Variants in CCND2 observed in about 807,000 individuals in gnomAD.
CCND2 encodes the protein cyclin D2.
In CCND2, 6 loss-of-function variants were observed where a neutral mutation model predicts 30.2. The observed-to-expected ratio is 0.20, with a 90% confidence interval of 0.11 to 0.39. The LOEUF (loss-of-function observed/expected upper bound fraction) is 0.39, where lower values mean the gene tolerates loss of function less well. Among genes scored for constraint, CCND2 ranks in the 10% least tolerant of loss-of-function variants. The pLI, the probability that CCND2 is intolerant of heterozygous loss-of-function variation, is 1.00. For missense variants in CCND2, 235 were observed against 373.4 expected (o/e 0.63, Z 3.06); for synonymous variants, 150 against 153.1 (o/e 0.98, Z 0.15).
intron 3 of CCND2, among the ~76,000 whole-genome samples, chr12:4,283,113 AACTT>A (rs1863972695): frequency 6.6e-6 from 1 of 152,326 alleles, no homozygotes; most frequent in East Asian, 1.9e-4. Flanking sequence ...CGTGGTTTTA[AACTT>A]ACTTAGCTCT....
Position 4,276,145 on chromosome 12 carries a change from C to T in CCND2, c.336C>T (p.Leu112=), listed in dbSNP as rs759699380. 6.2e-7 allele frequency: 1 copy of T among 1,614,234 alleles called. No homozygotes were observed. The highest frequency in any genetic ancestry group is 2.2e-5 in the East Asian group (1 of 44,892). The part of the protein sequence containing the change: ...GAVCMFLASK[L]KETSPLTAEK... ...TCTGCATGTTCCTGGCCTCCAAACT[C>T]AAAGAGACCAGCCCGCTGACCGCGG... The change falls in exon 2 of 5, where the codon CTC becomes CTT. Residue 112 remains leucine, a synonymous_variant. Coordinates refer to ENST00000261254, the MANE Select transcript of CCND2 (RefSeq NM_001759.4). The surrounding 1 kb of genome is among the most constrained non-coding windows in gnomAD (Gnocchi z 4.8).
chr12:4,291,986 C>T (rs563877540), intron 4 of CCND2, among the ~76,000 whole-genome samples: 11 of 152,118 alleles, frequency 7.2e-5, no homozygotes, highest in South Asian at 6.2e-4. Context: ...TTAATGCGTA[C>T]GGAGTTTCAG....
At position 4,285,383 on chromosome 12, in the gene CCND2, C is replaced by A; in HGVS notation, c.572-3459C>A. On this transcript the variant is annotated intron_variant, in intron 3 of 4. Transcript: ENST00000261254. The surrounding 1 kb of genome is among the most constrained non-coding windows in gnomAD (Gnocchi z 4.1). Reference sequence around the variant, plus strand: ...GCGTGCCTTCTGCACCAGCATATTGCTTGTTGGCATTTTTGATCAAGAGAC... The same window carrying A: ...GCGTGCCTTCTGCACCAGCATATTGATTGTTGGCATTTTTGATCAAGAGAC... The A allele has an allele frequency of 1.0e-6, 1 of 985,348 alleles. No homozygotes were observed. The highest frequency in any genetic ancestry group is 1.2e-6 in the Non-Finnish European group (1 of 829,870). The allele number at this position is 985,348 out of a possible 1,614,324, so 61.0% of individuals were successfully genotyped here.
intron 2 of CCND2, 97 bp from the exon 3 acceptor site, chr12:4,278,663 G>T (rs144942100): frequency 2.5e-6 from 3 of 1,224,438 alleles, no homozygotes; most frequent in Non-Finnish European, 3.5e-6. Flanking sequence ...CTAATGAGCG[G>T]CCTTAAAACT....
In CCND2 at chr12:4,300,858, T is replaced by C. The variant is rs556959568; in HGVS notation, c.*849T>C. ...ATCCAGAATGGAGTCTTTTCTGTTATTGTATTTAAAAGGGTAATGTGGCCT... is the reference window on the plus strand; with the variant it reads ...ATCCAGAATGGAGTCTTTTCTGTTACTGTATTTAAAAGGGTAATGTGGCCT... On this transcript the variant is annotated 3_prime_UTR_variant, in exon 5 of 5. Coordinates refer to ENST00000261254, the MANE Select transcript of CCND2 (RefSeq NM_001759.4). 8.6e-6 allele frequency: 2 copies of C among 233,706 alleles called. No individual in the cohort carries two copies. The highest frequency in any genetic ancestry group is 1.8e-4 in the South Asian group (1 of 5,534). 14.5% of individuals were successfully genotyped at this position (233,706 alleles called of 1,614,324 possible). A position where few individuals can be genotyped will look rare whatever the true frequency, so the allele number is the denominator to read the frequency against.
At chr12:4,280,601 C>T (rs1371183934) in intron 3 of CCND2, among the ~76,000 whole-genome samples, 1 of 152,236 alleles carries the variant, frequency 6.6e-6, no homozygotes, top group Non-Finnish European at 1.5e-5. Flanking sequence ...CTGTCTGGCC[C>T]GGGCCCGAGA....
chr12:4,300,519 A>G lies in CCND2; in HGVS notation c.*510A>G, dbSNP rs1864234631. Reference sequence around the variant, plus strand: ...GGAAGGAGTACAAAACAATCTCTCAACATGATTGAACCATTTGGGATGGAG... The same window carrying G: ...GGAAGGAGTACAAAACAATCTCTCAGCATGATTGAACCATTTGGGATGGAG... On this transcript the variant is annotated 3_prime_UTR_variant, in exon 5 of 5. Transcript: ENST00000261254. 4.3e-6 allele frequency: 1 copy of G among 234,942 alleles called. No homozygotes were observed. The highest frequency in any genetic ancestry group is 2.2e-5 in the African/African-American group (1 of 45,390). 14.6% of individuals were successfully genotyped at this position (234,942 alleles called of 1,614,324 possible).
Position 4,274,690 on chromosome 12 carries a change from C to G in CCND2, c.195+455C>G, listed in dbSNP as rs1863839799. Among the ~76,000 whole-genome samples the G allele has an allele frequency of 6.6e-6, 1 of 152,220 alleles. No individual in the cohort carries two copies. Among genetic ancestry groups the G allele is most frequent in the Admixed American group, 6.5e-5 (1 of 15,284 alleles). On this transcript the variant is annotated intron_variant, in intron 1 of 4. Transcript: ENST00000261254. This position sits in a 1 kb window ranked among gnomAD's most constrained non-coding sequence, Gnocchi z 7.7. ...AGGTCCCCGCCTGTGGTCGCGACTC[C>G]GCGCTGGCACTTCACCGGGGAGGTG... is the stretch of plus-strand genomic sequence containing the variant.
intron 2 of CCND2, among the ~76,000 whole-genome samples, chr12:4,277,512 C>G (rs1490279530): frequency 6.6e-6 from 1 of 152,204 alleles, no homozygotes; most frequent in Non-Finnish European, 1.5e-5. Flanking sequence ...TCATATGGTT[C>G]ATTTGTTTCG....
rs1864261023 is a variant in CCND2, at chr12:4,302,321, G to A, written c.*2312G>A. ...CATTTATGCGGTAGGCTCAGATGTC[G>A]TAATTTGCACTTAGGTACCAGGTGT... On this transcript the variant is annotated 3_prime_UTR_variant, in exon 5 of 5. Transcript: ENST00000261254. 2 of 232,784 alleles carry A rather than the reference G, an allele frequency of 8.6e-6. No individual in the cohort carries two copies. Among genetic ancestry groups the A allele is most frequent in the East Asian group, 6.0e-5 (1 of 16,564 alleles). 14.4% of individuals were successfully genotyped at this position (232,784 alleles called of 1,614,324 possible).
At chr12:4,296,729 A>AT (rs1259397065) in intron 4 of CCND2, among the ~76,000 whole-genome samples, 1 of 151,918 alleles carries the variant, frequency 6.6e-6, no homozygotes, top group Non-Finnish European at 1.5e-5. Context: ...AATTGTAAAC[A>AT]TCCCCTTCAG....
At position 4,282,853 on chromosome 12, in the gene CCND2, C is replaced by T. The variant is rs1462420259; in HGVS notation, c.571+3934C>T. ...TCTTATGGGGGTGGCAGATGAGGTG[C>T]GTGCCCAGTGACGTCCCTGGCCTGT... On this transcript the variant is annotated intron_variant, in intron 3 of 4. Coordinates refer to ENST00000261254, the MANE Select transcript of CCND2 (RefSeq NM_001759.4). The surrounding 1 kb of genome is among the most constrained non-coding windows in gnomAD (Gnocchi z 4.3). Among the ~76,000 whole-genome samples the T allele has an allele frequency of 6.6e-6, 1 of 152,222 alleles. No individual in the cohort carries two copies. Among genetic ancestry groups the T allele is most frequent in the Non-Finnish European group, 1.5e-5 (1 of 68,040 alleles).
chr12:4,291,472 G>A (rs961823079), intron 4 of CCND2, among the ~76,000 whole-genome samples: 1 of 152,102 alleles, frequency 6.6e-6, no homozygotes, highest in Non-Finnish European at 1.5e-5. Flanking sequence ...CTAGAAGTTG[G>A]GGTGGATGGT....
chr12:4,301,880 C>T lies in CCND2; in HGVS notation c.*1871C>T, dbSNP rs905519903. On this transcript the variant is annotated 3_prime_UTR_variant, in exon 5 of 5. Coordinates refer to ENST00000261254, the MANE Select transcript of CCND2 (RefSeq NM_001759.4). Reference sequence around the variant, plus strand: ...GTTCTTCGTACTGGAAAAGCCCTTCCGTAGTTTGTTTTCTTCTGGTAGCAT... The same window carrying T: ...GTTCTTCGTACTGGAAAAGCCCTTCTGTAGTTTGTTTTCTTCTGGTAGCAT... 3.9e-5 allele frequency: 9 copies of T among 230,610 alleles called. No individual in the cohort carries two copies. The highest frequency in any genetic ancestry group is 1.7e-4 in the Admixed American group (3 of 17,540). The allele number at this position is 230,610 out of a possible 1,614,324, so 14.3% of individuals were successfully genotyped here. A position where few individuals can be genotyped will look rare whatever the true frequency, so the allele number is the denominator to read the frequency against.
intron 3 of CCND2, among the ~76,000 whole-genome samples, chr12:4,280,925 C>T (rs1054934342): frequency 2.6e-5 from 4 of 152,244 alleles, no homozygotes; most frequent in Non-Finnish European, 5.9e-5. Flanking sequence ...GACCCATTCT[C>T]GAAAACCGGG....
intron 3 of CCND2, among the ~76,000 whole-genome samples, chr12:4,279,397 T>A (rs917819264): frequency 6.8e-6 from 1 of 148,068 alleles, no homozygotes; most frequent in East Asian, 2.0e-4. Flanking sequence ...AGAAATTCTT[T>A]TTTTTTTTTT....
rs1337057426 is a variant in CCND2, at chr12:4,278,695, C to A, written c.412-65C>A. On this transcript the variant is annotated intron_variant, in intron 2 of 4. Transcript: ENST00000261254. ...AACTGGTCTGGAGCCCAACCCCCAG[C>A]CCCCTACACCAGGTCAGCCTGTGGA... 42 of 1,553,250 alleles carry A rather than the reference C, an allele frequency of 2.7e-5. No homozygotes were observed. In the South Asian group the frequency reaches 4.3e-4, roughly 16 times the overall value.
intron 4 of CCND2, among the ~76,000 whole-genome samples, chr12:4,296,122 G>A (rs898384423): frequency 1.3e-5 from 2 of 152,248 alleles, no homozygotes; most frequent in East Asian, 1.9e-4. Context: ...AAGGGAAGAC[G>A]CGCATGGCCT....
At position 4,282,188 on chromosome 12, in the gene CCND2, T is replaced by C. The variant is rs2120541881; in HGVS notation, c.571+3269T>C. 6.6e-6 allele frequency among the ~76,000 whole-genome samples: 1 copy of C among 152,274 alleles called. No individual in the cohort carries two copies. The highest frequency in any genetic ancestry group is 6.5e-5 in the Admixed American group (1 of 15,294). ...GCTCGGTGGATGATTCCAGTTAGTCTAGCAGAGCCAATGGCATTGAGTTTA... is the reference window on the plus strand; with the variant it reads ...GCTCGGTGGATGATTCCAGTTAGTCCAGCAGAGCCAATGGCATTGAGTTTA... On this transcript the variant is annotated intron_variant, in intron 3 of 4. Coordinates refer to ENST00000261254, the MANE Select transcript of CCND2 (RefSeq NM_001759.4). The surrounding 1 kb of genome is among the most constrained non-coding windows in gnomAD (Gnocchi z 4.3).
Sources: gnomAD v4.1 joint callset for allele counts (sites outside exome capture counted in the v4.1 genomes callset) on GRCh38, gnomAD v4.1.1 for gene constraint, Gnocchi (gnomAD v3.1) non-coding constraint, MANE v1.5 for transcripts, NCBI Gene and HGNC (gene_info 2026-07-23, HGNC 2026-07-21) for gene names.